The following TAFA1 variants were observed in gnomAD, a reference collection of about 807,000 sequenced individuals.
TAFA1 encodes chemokine-like protein TAFA-1.
TAFA1 carries 4 observed loss-of-function variants against 18.5 expected under a neutral mutation model. The observed-to-expected ratio is 0.22, with a 90% CI of 0.11 to 0.49. The LOEUF is 0.49. Among genes scored for constraint, TAFA1 ranks in the 20% least tolerant of loss-of-function variants. The probability of loss-of-function intolerance (pLI) is 0.98; values close to 1 mark genes in which losing one functional copy is unlikely to be tolerated. For synonymous variants in TAFA1, 56 were observed against 55.2 expected (o/e 1.01, Z -0.06); for missense variants, 147 against 169.0 (o/e 0.87, Z 0.72).
rs142359727 is a variant in TAFA1 at position 68,282,878 on chromosome 3, T to G, written c.119-134402T>G. Among the ~76,000 whole-genome samples the G allele has an allele frequency of 6.5e-3, 990 of 152,284 alleles. 10 individuals carry two copies. Among genetic ancestry groups the G allele is most frequent in the African/African-American group, 0.021 (855 of 41,550 alleles). ...GCTAAACTGTTGGTCAGCTGATCCATGAAAGGGGCCTTGGAGCTTGTTATC... is the reference window on the plus strand; with the variant it reads ...GCTAAACTGTTGGTCAGCTGATCCAGGAAAGGGGCCTTGGAGCTTGTTATC... On this transcript the variant is annotated intron_variant, in intron 2 of 4. Transcript: ENST00000478136.
rs542135253 is a variant in TAFA1, at chr3:68,334,823, G to A, written c.119-82457G>A. Among the ~76,000 whole-genome samples, 83 of 152,220 alleles carry A rather than the reference G, an allele frequency of 5.5e-4. 1 individual carries two copies. Among genetic ancestry groups the A allele is most frequent in the Middle Eastern group, 3.4e-3 (1 of 294 alleles). On this transcript the variant is annotated intron_variant, in intron 2 of 4. Transcript: ENST00000478136. ...TGAAGGATCTATCATCTTGCTGTTT[G>A]TTGTATCTTCTGAGGGATAGGAAGA...
intron 2 of TAFA1, among the ~76,000 whole-genome samples, chr3:68,082,301 C>A (rs2064914691): frequency 6.6e-6 from 1 of 152,194 alleles, no homozygotes; most frequent in Non-Finnish European, 1.5e-5. Flanking sequence ...GAGCTGTAGA[C>A]CGGAGCTGTT....
chr3:68,110,077 A>G (rs1346881934), intron 2 of TAFA1, among the ~76,000 whole-genome samples: 1 of 151,992 alleles, frequency 6.6e-6, no homozygotes, highest in Admixed American at 6.6e-5. Flanking sequence ...TCCACCCATC[A>G]CCTTGTATTA....
chr3:68,111,534 C>A (rs1268538710), intron 2 of TAFA1, among the ~76,000 whole-genome samples: 1 of 151,980 alleles, frequency 6.6e-6, no homozygotes, highest in Non-Finnish European at 1.5e-5. Flanking sequence ...ATATAAATGA[C>A]ATAGGCAGAA....
intron 2 of TAFA1, among the ~76,000 whole-genome samples, chr3:68,030,340 G>A (rs777342620): frequency 3.1e-4 from 47 of 151,722 alleles, no homozygotes; most frequent in Middle Eastern, 3.4e-3. Context: ...ATATATATAT[G>A]TGCTGTGGTG....
chr3:68,506,184 C>A (rs999795906), intron 3 of TAFA1, among the ~76,000 whole-genome samples: 2 of 152,050 alleles, frequency 1.3e-5, no homozygotes, highest in Middle Eastern at 3.2e-3. Context: ...ATGATAGTTT[C>A]CAGCTTCATC....
chr3:68,449,580 A>G (rs2071533969), intron 3 of TAFA1, among the ~76,000 whole-genome samples: 2 of 152,310 alleles, frequency 1.3e-5, no homozygotes, highest in South Asian at 4.1e-4. Flanking sequence ...TTTAAAAATA[A>G]GAAGACTACC....
intron 2 of TAFA1, among the ~76,000 whole-genome samples, chr3:68,236,163 T>A (rs767217707): frequency 6.6e-6 from 1 of 152,174 alleles, no homozygotes; most frequent in Non-Finnish European, 1.5e-5. Flanking sequence ...AAAAGCCTCA[T>A]ATTCAAGTAG....
chr3:68,449,153 C>G (rs570634608), intron 3 of TAFA1, among the ~76,000 whole-genome samples: 1 of 152,130 alleles, frequency 6.6e-6, no homozygotes, highest in Non-Finnish European at 1.5e-5. Context: ...GAGAAATGCA[C>G]GGAAAAGATG....
chr3:68,049,355 G>A (rs1321183052), intron 2 of TAFA1, among the ~76,000 whole-genome samples: 1 of 152,098 alleles, frequency 6.6e-6, no homozygotes, highest in Non-Finnish European at 1.5e-5. Context: ...TGATTTCAGT[G>A]CCTCTCATTG....
chr3:68,328,282 G>A (rs1238381637), intron 2 of TAFA1, among the ~76,000 whole-genome samples: 1 of 152,182 alleles, frequency 6.6e-6, no homozygotes, highest in Non-Finnish European at 1.5e-5. Context: ...TGTGTGGAGT[G>A]TTGAAATTAC....
intron 2 of TAFA1, among the ~76,000 whole-genome samples, chr3:68,372,360 G>A (rs1031051357): frequency 1.3e-5 from 2 of 152,106 alleles, no homozygotes; most frequent in African/African-American, 2.4e-5. Context: ...AAATGTACAC[G>A]CAAGTAAAGA....
At chr3:68,356,781 C>A (rs1034640476) in intron 2 of TAFA1, among the ~76,000 whole-genome samples, 1 of 151,966 alleles carries the variant, frequency 6.6e-6, no homozygotes, top group Non-Finnish European at 1.5e-5. Context: ...TCCATACACA[C>A]ATACATACAT....
chr3:68,092,705 C>A (rs1315702422), intron 2 of TAFA1, among the ~76,000 whole-genome samples: 1 of 152,132 alleles, frequency 6.6e-6, no homozygotes, highest in Non-Finnish European at 1.5e-5. Context: ...CAACAAACAG[C>A]TCTCAGAAGT....
intron 2 of TAFA1, among the ~76,000 whole-genome samples, chr3:68,065,146 T>C (rs2064657420): frequency 6.6e-6 from 1 of 152,186 alleles, no homozygotes; most frequent in Non-Finnish European, 1.5e-5. Context: ...AGAACACTTC[T>C]ACATCTACAA....
At chr3:68,501,062 C>A (rs888976197) in intron 3 of TAFA1, among the ~76,000 whole-genome samples, 1 of 144,514 alleles carries the variant, frequency 6.9e-6, no homozygotes, top group Non-Finnish European at 1.5e-5. Context: ...GGCTGAGGCA[C>A]GAGAATCACT....
At chr3:68,223,855 C>A (rs754616976) in intron 2 of TAFA1, among the ~76,000 whole-genome samples, 17 of 152,136 alleles carry the variant, frequency 1.1e-4, no homozygotes, top group Non-Finnish European at 1.5e-4. Flanking sequence ...CTGGGAATCA[C>A]CATGCTTTAT....
At chr3:68,065,409 T>C (rs754569954) in intron 2 of TAFA1, among the ~76,000 whole-genome samples, 11 of 152,062 alleles carry the variant, frequency 7.2e-5, no homozygotes, top group Non-Finnish European at 1.3e-4. Flanking sequence ...ACGGGCAATG[T>C]ATTGGGTGTT....
intron 2 of TAFA1, among the ~76,000 whole-genome samples, chr3:68,017,014 T>C (rs1704583347): frequency 6.6e-6 from 1 of 152,202 alleles, no homozygotes; most frequent in Non-Finnish European, 1.5e-5. Flanking sequence ...TCAAGGAAAG[T>C]TTGAACACCA....
Sources: gnomAD v4.1 joint callset for allele counts (sites outside exome capture counted in the v4.1 genomes callset) on GRCh38, gnomAD v4.1.1 for gene constraint, MANE v1.5 for transcripts, NCBI Gene and HGNC (gene_info 2026-07-23, HGNC 2026-07-21) for gene names.